PLA2G4A: variants seen among roughly 807,000 people sequenced by gnomAD.
PLA2G4A encodes phospholipase A2 group IVA.
In PLA2G4A, 40 loss-of-function variants were observed where a neutral mutation model predicts 81.9. That is an observed-to-expected ratio of 0.49 (90% confidence interval 0.38 to 0.64). PLA2G4A has a LOEUF of 0.64. Among genes scored for constraint, PLA2G4A ranks in the 30% least tolerant of loss-of-function variants. The pLI is 0.00. For synonymous variants in PLA2G4A, 302 were observed against 296.9 expected, an observed-to-expected ratio of 1.02 and a Z score of -0.18; for missense variants, 715 against 905.1, an observed-to-expected ratio of 0.79 and a Z score of 2.69.
At chr1:186,963,487 A>T (rs568759134) in intron 14 of PLA2G4A, among the ~76,000 whole-genome samples, 1 of 152,208 alleles carries the variant, frequency 6.6e-6, no homozygotes, top group Non-Finnish European at 1.5e-5. Context: ...TTATTGCCCT[A>T]TAAGTTAGCC....
intron 15 of PLA2G4A, among the ~76,000 whole-genome samples, chr1:186,969,423 C>A (rs1328590912): frequency 6.6e-6 from 1 of 151,764 alleles, no homozygotes; most frequent in Non-Finnish European, 1.5e-5. Flanking sequence ...CAATTCCATT[C>A]TTTTAGTTAT....
intron 1 of PLA2G4A, among the ~76,000 whole-genome samples, chr1:186,852,549 G>A (rs978367637): frequency 5.9e-5 from 9 of 152,154 alleles, no homozygotes; most frequent in Non-Finnish European, 1.3e-4. Flanking sequence ...GCCTGGTGAG[G>A]CTATTCTTTT....
intron 3 of PLA2G4A, among the ~76,000 whole-genome samples, chr1:186,881,718 C>T (rs1205777504): frequency 6.6e-6 from 1 of 151,960 alleles, no homozygotes; most frequent in Non-Finnish European, 1.5e-5. Context: ...ATTTATATTA[C>T]AATCCAAATA....
rs146761877 is a variant in PLA2G4A, at chr1:186,968,733, A to G, written c.1764+3140A>G. On this transcript the variant is annotated intron_variant, in intron 15 of 17. Coordinates refer to ENST00000367466, the MANE Select transcript of PLA2G4A (RefSeq NM_024420.3). ...ATGAATCTTTAATCACATTTTAATT[A>G]TTTATTTAGGTTGGTTTCTAGATGT... Among the ~76,000 whole-genome samples, 104 of 151,768 alleles carry G rather than the reference A, an allele frequency of 6.9e-4. 4 individuals are homozygous for G. In the East Asian group the frequency reaches 0.016, roughly 24 times the overall value.
At chr1:186,886,749 G>A (rs1380830608) in intron 3 of PLA2G4A, among the ~76,000 whole-genome samples, 1 of 152,104 alleles carries the variant, frequency 6.6e-6, no homozygotes, top group African/African-American at 2.4e-5. Context: ...TTTTATGTCT[G>A]GAGAGAAATA....
chr1:186,869,612 G>A (rs1009923959), intron 2 of PLA2G4A, among the ~76,000 whole-genome samples: 1 of 152,066 alleles, frequency 6.6e-6, no homozygotes, highest in Non-Finnish European at 1.5e-5. Context: ...AGTATTGTCA[G>A]TATCTGAGCC....
chr1:186,939,284 A>G, intron 9 of PLA2G4A, 54 bp downstream of exon 9: 2 of 709,012 alleles, frequency 2.8e-6, no homozygotes, highest in Non-Finnish European at 4.7e-6. Flanking sequence ...AGAACATATT[A>G]TAATATTATA....
At chr1:186,855,206 A>G (rs1399260055) in intron 2 of PLA2G4A, among the ~76,000 whole-genome samples, 1 of 151,908 alleles carries the variant, frequency 6.6e-6, no homozygotes, top group Non-Finnish European at 1.5e-5. Context: ...ACTTCACAAA[A>G]AGGTCTAATT....
intron 5 of PLA2G4A, among the ~76,000 whole-genome samples, chr1:186,901,811 A>T (rs1275984149): frequency 6.6e-6 from 1 of 152,224 alleles, no homozygotes; most frequent in African/African-American, 2.4e-5. Context: ...AAGTCTTTCA[A>T]GTCTGTTAAG....
At chr1:186,937,417 G>T (rs1655991259) in intron 8 of PLA2G4A, among the ~76,000 whole-genome samples, 1 of 149,722 alleles carries the variant, frequency 6.7e-6, no homozygotes, top group South Asian at 2.1e-4. Context: ...AATGAACTGT[G>T]TATCTTTCAA....
At chr1:186,962,952 ACTAT>A (rs1482504986) in intron 14 of PLA2G4A, among the ~76,000 whole-genome samples, 7 of 152,160 alleles carry the variant, frequency 4.6e-5, no homozygotes, top group African/African-American at 1.2e-4. Flanking sequence ...CTTGACTCTC[ACTAT>A]CTGTTTGAAA....
intron 2 of PLA2G4A, among the ~76,000 whole-genome samples, chr1:186,856,088 A>G (rs1459868120): frequency 6.6e-6 from 1 of 151,976 alleles, no homozygotes; most frequent in Non-Finnish European, 1.5e-5. Flanking sequence ...ACACTCATGC[A>G]TGCATGTACA....
At chr1:186,902,089 C>T (rs146241247) in intron 5 of PLA2G4A, among the ~76,000 whole-genome samples, 79 of 152,236 alleles carry the variant, frequency 5.2e-4, no homozygotes, top group Middle Eastern at 3.4e-3. Context: ...TAGCCTATTG[C>T]TCCTAAGCTG....
chr1:186,931,137 T>C (rs1655730612), intron 7 of PLA2G4A, among the ~76,000 whole-genome samples: 1 of 152,202 alleles, frequency 6.6e-6, no homozygotes, highest in Non-Finnish European at 1.5e-5. Flanking sequence ...GACAAGCTTT[T>C]AAGGACTTAC....
chr1:186,940,246 G>C (rs1000111909), intron 10 of PLA2G4A, 152 bp downstream of exon 10: 1 of 652,424 alleles, frequency 1.5e-6, no homozygotes, highest in African/African-American at 1.8e-5. Context: ...AAAATATTAA[G>C]TGAGATGATT....
intron 1 of PLA2G4A, among the ~76,000 whole-genome samples, chr1:186,844,643 G>A (rs558079228): frequency 3.3e-5 from 5 of 152,258 alleles, no homozygotes; most frequent in African/African-American, 9.6e-5. Context: ...GATCCCTGTT[G>A]GGGGAGCAGG....
At chr1:186,884,219 G>A (rs560434194) in intron 3 of PLA2G4A, among the ~76,000 whole-genome samples, 6 of 150,322 alleles carry the variant, frequency 4.0e-5, no homozygotes, top group Non-Finnish European at 7.4e-5. Context: ...GTGAGATATA[G>A]GGAAGGAAAA....
chr1:186,865,057 A>G (rs1343921692), intron 2 of PLA2G4A, among the ~76,000 whole-genome samples: 4 of 150,118 alleles, frequency 2.7e-5, no homozygotes, highest in Non-Finnish European at 4.4e-5. Context: ...ATAGAATGAG[A>G]CTCTGTCTAA....
At position 186,988,556 on chromosome 1, in the gene PLA2G4A, A is replaced by G. The variant is rs781332109; in HGVS notation, c.*48A>G. ...AGTTTCTGATGCTGAGGCAGTTTGCAATCCCATGACAACTGGATTTAAAAG... is the reference window on the plus strand; with the variant it reads ...AGTTTCTGATGCTGAGGCAGTTTGCGATCCCATGACAACTGGATTTAAAAG... On this transcript the variant is annotated 3_prime_UTR_variant, in exon 18 of 18. Transcript: ENST00000367466. 8.3e-6 allele frequency: 13 copies of G among 1,561,430 alleles called. No homozygotes were observed. In the South Asian group the frequency reaches 1.3e-4, roughly 16 times the overall value.
Sources: gnomAD v4.1 joint callset for allele counts (sites outside exome capture counted in the v4.1 genomes callset) on GRCh38, gnomAD v4.1.1 for gene constraint, MANE v1.5 for transcripts, NCBI Gene and HGNC (gene_info 2026-07-23, HGNC 2026-07-21) for gene names.